Variants in KIF19 observed in about 807,000 individuals in gnomAD.
KIF19 encodes the protein kinesin family member 19.
A neutral mutation model predicts 106.6 loss-of-function variants in KIF19; 98 were observed. The observed-to-expected ratio is 0.92, with a 90% CI of 0.78 to 1.09. The LOEUF (loss-of-function observed/expected upper bound fraction) is 1.09, where lower values mean the gene tolerates loss of function less well. KIF19 is among the 50% of genes least tolerant of loss of function. The pLI, the probability that KIF19 is intolerant of heterozygous loss-of-function variation, is 0.00. For missense variants in KIF19, 1,373 were observed against 1,414.3 expected, an observed-to-expected ratio of 0.97 and a Z score of 0.47; for synonymous variants, 516 against 584.2, an observed-to-expected ratio of 0.88 and a Z score of 1.68.
chr17:74,349,740 G>A (rs569928651), intron 10 of KIF19, among the ~76,000 whole-genome samples: 67 of 152,256 alleles, frequency 4.4e-4, no homozygotes, highest in South Asian at 4.1e-4. Context: ...TTTTCCAACA[G>A]ACAGTAAAGC....
chr17:74,350,635 G>T, intron 11 of KIF19, 60 bp downstream of exon 11: 1 of 1,609,012 alleles, frequency 6.2e-7, no homozygotes, highest in East Asian at 2.2e-5. Context: ...AGAGGAGCAC[G>T]ACCTGTGGCT....
At chr17:74,329,152 G>A (rs2054001483) in intron 2 of KIF19, 1 of 152,214 alleles carries the variant, frequency 6.6e-6, no homozygotes, top group African/African-American at 2.4e-5. Context: ...AAGGGGATAA[G>A]ACCTAAACCT....
rs137869370 is a variant in KIF19, at chr17:74,334,529, A to G, written c.120+6024A>G. Among the ~76,000 whole-genome samples, 9 of 152,302 alleles carry G rather than the reference A, an allele frequency of 5.9e-5. No individual in the cohort carries two copies. The East Asian group carries it at 1.7e-3, about 29-fold the overall frequency. ...AGCCAGGCAGGAATCTGACCAGGAC[A>G]TCAGCCAGGTGTGGCTGTGTCCTAA... On this transcript the variant is annotated intron_variant, in intron 2 of 19. Transcript: ENST00000389916.
rs564795360 is a variant in KIF19, at chr17:74,340,499, A to T, written c.121-1377A>T. Among the ~76,000 whole-genome samples, 21 of 151,808 alleles carry T rather than the reference A, an allele frequency of 1.4e-4. 1 individual carries two copies. The South Asian group carries it at 4.4e-3, about 32-fold the overall frequency. The stretch of plus-strand genomic sequence containing the variant: ...TCGGTTACCTTTGGAGGAAGGGAAG[A>T]ACCCGGCCAGGACCCTTCTGTGTCT... On this transcript the variant is annotated intron_variant, in intron 2 of 19. Transcript: ENST00000389916.
chr17:74,354,053 A>T, intron 17 of KIF19, 109 bp from the exon 18 acceptor site: 1 of 1,256,140 alleles, frequency 8.0e-7, no homozygotes, highest in Non-Finnish European at 1.1e-6. Flanking sequence ...TGGAAGTGCT[A>T]GGATTGAAAC....
Position 74,346,309 on chromosome 17 carries a change from G to A in KIF19, c.778-69G>A, listed in dbSNP as rs989816957. The A allele has an allele frequency of 3.4e-5, 50 of 1,486,900 alleles. No homozygotes were observed. Among genetic ancestry groups the A allele is most frequent in the Admixed American group, 1.7e-4 (8 of 47,720 alleles). The allele number at this position is 1,486,900 out of a possible 1,614,324, so 92.1% of individuals were successfully genotyped here. A position where few individuals can be genotyped will look rare whatever the true frequency, so the allele number is the denominator to read the frequency against. ...AGGATCACCAGGTCATTCATTGGTG[G>A]GGTGGCTGGGGAGAAACCCAGTCCC... On this transcript the variant is annotated intron_variant, in intron 7 of 19. Coordinates refer to ENST00000389916, the MANE Select transcript of KIF19 (RefSeq NM_153209.4). This position sits in a 1 kb window ranked among gnomAD's most constrained non-coding sequence, Gnocchi z 4.6.
At chr17:74,342,131 C>G in intron 3 of KIF19, 145 bp downstream of exon 3, 1 of 648,146 alleles carries the variant, frequency 1.5e-6, no homozygotes, top group Non-Finnish European at 2.7e-6. Context: ...CTTCCCCATT[C>G]AGGAAGGTTC....
intron 2 of KIF19, among the ~76,000 whole-genome samples, chr17:74,332,216 G>GTGTGTGTGTGTT (rs2054111749): frequency 2.0e-4 from 11 of 54,366 alleles, no homozygotes; most frequent in Non-Finnish European, 5.6e-4. Flanking sequence ...GTGTTTGTGT[G>GTGTGTGTGTGTT]TGTGTGTGTG....
At chr17:74,339,493 T>A (rs2054300665) in intron 2 of KIF19, among the ~76,000 whole-genome samples, 2 of 150,350 alleles carry the variant, frequency 1.3e-5, no homozygotes, top group South Asian at 4.2e-4. Context: ...GAGACACCCA[T>A]TCCCTACCTC....
In KIF19 at chr17:74,346,656, T is replaced by C; in HGVS notation, c.924+132T>C. 1.3e-6 allele frequency: 1 copy of C among 790,770 alleles called. No homozygotes were observed. Among genetic ancestry groups the C allele is most frequent in the Non-Finnish European group, 2.0e-6 (1 of 499,686 alleles). The allele number at this position is 790,770 out of a possible 1,614,324, so 49.0% of individuals were successfully genotyped here. A position where few individuals can be genotyped will look rare whatever the true frequency, so the allele number is the denominator to read the frequency against. ...AGCAAAATTTATTTTAGCGTAAATATGTCCCATGAAATATTTGGGATATTC... is the reference window on the plus strand; with the variant it reads ...AGCAAAATTTATTTTAGCGTAAATACGTCCCATGAAATATTTGGGATATTC... On this transcript the variant is annotated intron_variant, in intron 8 of 19. Coordinates refer to ENST00000389916, the MANE Select transcript of KIF19 (RefSeq NM_153209.4). The surrounding 1 kb of genome is among the most constrained non-coding windows in gnomAD (Gnocchi z 4.6).
In KIF19 at chr17:74,353,209, G is replaced by A. The variant is rs770757282; in HGVS notation, c.2128G>A (p.Val710Met). The A allele has an allele frequency of 2.7e-5, 43 of 1,586,788 alleles. No individual in the cohort carries two copies. The highest frequency in any genetic ancestry group is 5.4e-5 in the Admixed American group (3 of 55,868). The change falls in exon 16 of 20, where the codon GTG (valine) becomes ATG (methionine). Residue 710 changes from valine to methionine, a missense_variant. Physicochemically the swap from Val to Met is conservative, Grantham distance 21. Transcript: ENST00000389916. ...PLSTESEGHH[V>M]FKAGTGAWQA... Reference sequence around the variant, plus strand: ...TGCCAACTTCAGTGAAGGCCACCACGTGTTCAAGGCTGGTACTGGGGCCTG... The same window carrying A: ...TGCCAACTTCAGTGAAGGCCACCACATGTTCAAGGCTGGTACTGGGGCCTG...
chr17:74,330,310 A>C (rs2054042356), intron 2 of KIF19, among the ~76,000 whole-genome samples: 1 of 152,364 alleles, frequency 6.6e-6, no homozygotes, highest in Middle Eastern at 3.4e-3. Context: ...GGAGACAGAC[A>C]TCATGATGCC....
chr17:74,328,629 C>T (rs2053984670), intron 2 of KIF19, 124 bp downstream of exon 2: 2 of 724,092 alleles, frequency 2.8e-6, no homozygotes, highest in Middle Eastern at 2.4e-4. Flanking sequence ...TCACTGAACT[C>T]TTGGCTGTGC....
chr17:74,343,020 C>T lies in KIF19; in HGVS notation c.320-4C>T, dbSNP rs537444829. 72 of 1,600,724 alleles carry T rather than the reference C, an allele frequency of 4.5e-5. No homozygotes were observed. The South Asian group carries it at 7.8e-4, about 17-fold the overall frequency. On this transcript the variant is annotated splice_polypyrimidine_tract_variant and splice_region_variant and intron_variant, in intron 4 of 19. Coordinates refer to ENST00000389916, the MANE Select transcript of KIF19 (RefSeq NM_153209.4). ...CGGTCACCCTCCACCTTGTTCTGCC[C>T]CAGGCTGTGGGAAAACCTACACCAT...
intron 8 of KIF19, among the ~76,000 whole-genome samples, chr17:74,347,393 C>T (rs1353148732): frequency 6.6e-6 from 1 of 152,118 alleles, no homozygotes; most frequent in Non-Finnish European, 1.5e-5. Context: ...AAAAATTGCC[C>T]AGGCATGGTG....
At position 74,340,552 on chromosome 17, in the gene KIF19, C is replaced by CGT. The variant is rs1432577240; in HGVS notation, c.121-1323_121-1322insTG. Among the ~76,000 whole-genome samples the CGT allele has an allele frequency of 4.7e-3, 643 of 136,238 alleles. 3 individuals are homozygous for CGT. Among genetic ancestry groups the CGT allele is most frequent in the Non-Finnish European group, 6.1e-3 (384 of 63,154 alleles). The allele number at this position is 136,238 out of a possible 152,430, so 89.4% of individuals were successfully genotyped here. On this transcript the variant is annotated intron_variant, in intron 2 of 19. Transcript: ENST00000389916. ...ACACACGTGCCAGCAGGTATGCGCG[C>CGT]GCGTACACACACACACACACACTGC...
intron 2 of KIF19, among the ~76,000 whole-genome samples, chr17:74,340,048 C>T (rs993055817): frequency 6.6e-6 from 1 of 152,156 alleles, no homozygotes; most frequent in African/African-American, 2.4e-5. Context: ...AGCGCTGTGC[C>T]CAAGCACATT....
chr17:74,344,142 A>G, intron 5 of KIF19, 81 bp from the exon 6 acceptor site: 18 of 1,349,400 alleles, frequency 1.3e-5, no homozygotes, highest in Non-Finnish European at 1.8e-5. Flanking sequence ...TCCTGCACGA[A>G]AGGAAAGGGG....
Position 74,351,867 on chromosome 17 carries a change from C to T in KIF19, c.1588C>T (p.Leu530=). The change falls in exon 13 of 20, where the codon CTG becomes TTG. Residue 530 remains leucine, a splice_region_variant and synonymous_variant. Transcript: ENST00000389916. ...DEQKQLRKQK[L]ALEQRCRELR... ...AGATGCTGACCTGCGCCTCCTGCAG[C>T]TGGCGCTGGAGCAGCGCTGCCGGGA... 3 of 1,384,796 alleles carry T rather than the reference C, an allele frequency of 2.2e-6. No homozygotes were observed. The highest frequency in any genetic ancestry group is 2.8e-6 in the Non-Finnish European group (3 of 1,077,632). 85.8% of individuals were successfully genotyped at this position (1,384,796 alleles called of 1,614,324 possible).
Sources: gnomAD v4.1 joint callset for allele counts (sites outside exome capture counted in the v4.1 genomes callset) on GRCh38, gnomAD v4.1.1 for gene constraint, Gnocchi (gnomAD v3.1) non-coding constraint, MANE v1.5 for transcripts, NCBI Gene and HGNC (gene_info 2026-07-23, HGNC 2026-07-21) for gene names.